Variants in VWA8 observed in about 807,000 individuals in gnomAD.
VWA8 encodes the protein von Willebrand factor A domain-containing protein 8.
VWA8 carries 221 observed loss-of-function variants against 241.5 expected under a neutral mutation model. That is an observed-to-expected ratio of 0.91 (90% confidence interval 0.82 to 1.02). VWA8 has a LOEUF of 1.02. Among genes scored for constraint, VWA8 ranks in the 50% least tolerant of loss-of-function variants. The pLI, the probability that VWA8 is intolerant of heterozygous loss-of-function variation, is 0.00. For synonymous variants in VWA8, 852 were observed against 827.1 expected, an observed-to-expected ratio of 1.03 and a Z score of -0.52; for missense variants, 2,322 against 2,328.7, an observed-to-expected ratio of 1.00 and a Z score of 0.06.
intron 25 of VWA8, among the ~76,000 whole-genome samples, chr13:41,720,451 A>C (rs1018643492): frequency 7.9e-5 from 12 of 152,168 alleles, no homozygotes; most frequent in African/African-American, 7.2e-5. Flanking sequence ...TATGGGGTAC[A>C]ATGTGATATT....
intron 17 of VWA8, among the ~76,000 whole-genome samples, chr13:41,796,116 ATGTT>A (rs1272420122): frequency 6.6e-6 from 1 of 152,112 alleles, no homozygotes; most frequent in African/African-American, 2.4e-5. Flanking sequence ...TTTACTCAGA[ATGTT>A]TGCATCCACT....
In VWA8 at chr13:41,570,481, C is replaced by T. The variant is rs376787899; in HGVS notation, c.5596G>A (p.Asp1866Asn). ...AFAIFIGSLG[D>N]QATRLQRTLP... ...GATGACACTTACCTGGTTGCTTGAT[C>T]ACCTAAAGAGCCAATAAAAATGGCA... The change falls in exon 44 of 45, where the codon GAT (aspartate) becomes AAT (asparagine). Residue 1866 changes from aspartate (D) to asparagine (N), a missense_variant. Coordinates refer to ENST00000379310, the MANE Select transcript of VWA8 (RefSeq NM_015058.2). 1.2e-6 allele frequency: 2 copies of T among 1,613,992 alleles called. No homozygotes were observed. Among genetic ancestry groups the T allele is most frequent in the South Asian group, 2.2e-5 (2 of 91,044 alleles).
intron 38 of VWA8, 96 bp from the exon 39 acceptor site, chr13:41,611,828 T>A: frequency 7.4e-7 from 1 of 1,349,042 alleles, no homozygotes; most frequent in Non-Finnish European, 1.0e-6. Context: ...TGGAGGATAT[T>A]AATTGTACTT....
chr13:41,744,989 C>T (rs1210756433), intron 21 of VWA8, among the ~76,000 whole-genome samples: 2 of 152,010 alleles, frequency 1.3e-5, no homozygotes, highest in Non-Finnish European at 2.9e-5. Flanking sequence ...AGGTACCCAC[C>T]ACCACGACCG....
chr13:41,731,881 G>A lies in VWA8; in HGVS notation c.2502+199C>T, dbSNP rs117114850. On this transcript the variant is annotated intron_variant, in intron 22 of 44. Coordinates refer to ENST00000379310, the MANE Select transcript of VWA8 (RefSeq NM_015058.2). ...ATGCCTCTCACCTTCCACCGTGATG[G>A]TGAGGCCTCCAGAGCCACGTAGAAC... is the stretch of plus-strand genomic sequence containing the variant. Among the ~76,000 whole-genome samples the A allele has an allele frequency of 4.0e-3, 605 of 152,240 alleles. 11 individuals are homozygous for A. In the East Asian group the frequency reaches 0.062, roughly 16 times the overall value.
intron 20 of VWA8, among the ~76,000 whole-genome samples, chr13:41,776,350 C>T (rs1868593313): frequency 6.6e-6 from 1 of 152,076 alleles, no homozygotes; most frequent in African/African-American, 2.4e-5. Flanking sequence ...CCTGAATGTC[C>T]ACAGAGCCAT....
intron 20 of VWA8, among the ~76,000 whole-genome samples, chr13:41,774,078 T>G (rs959602781): frequency 1.3e-5 from 2 of 152,166 alleles, no homozygotes; most frequent in African/African-American, 4.8e-5. Flanking sequence ...TAAGCCTAAA[T>G]TTTAAATTCA....
chr13:41,733,116 C>T (rs1242123186), intron 21 of VWA8, among the ~76,000 whole-genome samples: 3 of 152,112 alleles, frequency 2.0e-5, no homozygotes, highest in Non-Finnish European at 2.9e-5. Context: ...CACTACTGGA[C>T]AGTGATATTC....
intron 21 of VWA8, among the ~76,000 whole-genome samples, chr13:41,752,690 C>T (rs184484071): frequency 1.2e-3 from 176 of 152,226 alleles, no homozygotes; most frequent in Middle Eastern, 6.8e-3. Flanking sequence ...GTAGGGTATA[C>T]GGCAAGAAGC....
chr13:41,833,270 C>T (rs1871551983), intron 13 of VWA8, 101 bp downstream of exon 13: 10 of 1,354,874 alleles, frequency 7.4e-6, no homozygotes, highest in African/African-American at 1.5e-5. Context: ...ATCTACACAA[C>T]CCAGTTTAAA....
chr13:41,748,441 G>A (rs577752089), intron 21 of VWA8, among the ~76,000 whole-genome samples: 39 of 152,166 alleles, frequency 2.6e-4, no homozygotes, highest in African/African-American at 7.5e-4. Context: ...GATTGGTGGC[G>A]ATATCCCCTT....
At chr13:41,580,378 T>C (rs912351435) in intron 42 of VWA8, among the ~76,000 whole-genome samples, 3 of 152,202 alleles carry the variant, frequency 2.0e-5, no homozygotes, top group African/African-American at 7.2e-5. Flanking sequence ...GGATGACTGA[T>C]CTCCATTTCT....
At chr13:41,834,659 G>A (rs1392477790) in intron 12 of VWA8, among the ~76,000 whole-genome samples, 1 of 152,162 alleles carries the variant, frequency 6.6e-6, no homozygotes, top group Non-Finnish European at 1.5e-5. Flanking sequence ...CAACCATTGT[G>A]GAAGACAGTG....
At position 41,863,429 on chromosome 13, in the gene VWA8, GTGTGTA is replaced by G. The variant is rs1315418451; in HGVS notation, c.1425+2301_1425+2306del. Among the ~76,000 whole-genome samples, 247 of 72,664 alleles carry G rather than the reference GTGTGTA, an allele frequency of 3.4e-3. 3 individuals are homozygous for G. The highest frequency in any genetic ancestry group is 0.011 in the African/African-American group (222 of 20,518). 47.7% of individuals were successfully genotyped at this position (72,664 alleles called of 152,430 possible). A position where few individuals can be genotyped will look rare whatever the true frequency, so the allele number is the denominator to read the frequency against. On this transcript the variant is annotated intron_variant, in intron 12 of 44. Coordinates refer to ENST00000379310, the MANE Select transcript of VWA8 (RefSeq NM_015058.2). Reference sequence around the variant, plus strand: ...TGTGTGTGTGTGTGTGTGTGTGTGTGTGTGTATATATATATATATATATATTCACAC... The same window carrying G: ...TGTGTGTGTGTGTGTGTGTGTGTGTGTATATATATATATATATATTCACAC...
At chr13:41,666,444 C>A (rs2137794775) in intron 37 of VWA8, among the ~76,000 whole-genome samples, 1 of 152,226 alleles carries the variant, frequency 6.6e-6, no homozygotes, top group East Asian at 1.9e-4. Context: ...TAGGTAACTG[C>A]CATAATTCTC....
At position 41,881,378 on chromosome 13, in the gene VWA8, G is replaced by A. The variant is rs1162223191; in HGVS notation, c.1080+2009C>T. On this transcript the variant is annotated intron_variant, in intron 9 of 44. Coordinates refer to ENST00000379310, the MANE Select transcript of VWA8 (RefSeq NM_015058.2). ...CATCATAGTTTTTTTTTGCCGGGGG[G>A]GGGGGGGGGGGGGTAAGGTCACAGA... Among the ~76,000 whole-genome samples the A allele has an allele frequency of 6.6e-4, 23 of 34,980 alleles. 2 individuals are homozygous for A. In the East Asian group the frequency reaches 0.021, roughly 32 times the overall value. The allele number at this position is 34,980 out of a possible 152,430, so 22.9% of individuals were successfully genotyped here. A position where few individuals can be genotyped will look rare whatever the true frequency, so the allele number is the denominator to read the frequency against.
At chr13:41,933,926 G>C (rs1158711022) in intron 2 of VWA8, among the ~76,000 whole-genome samples, 1 of 151,794 alleles carries the variant, frequency 6.6e-6, no homozygotes, top group Admixed American at 6.6e-5. Flanking sequence ...GATTTCTTAG[G>C]TGACACCAAA....
At chr13:41,649,381 C>T (rs999085034) in intron 37 of VWA8, among the ~76,000 whole-genome samples, 2 of 151,966 alleles carry the variant, frequency 1.3e-5, no homozygotes, top group Admixed American at 6.6e-5. Context: ...GTAAAATGAA[C>T]ACTAGTAATT....
intron 17 of VWA8, chr13:41,807,726 G>A (rs560014395): frequency 7.9e-5 from 12 of 152,408 alleles, no homozygotes; most frequent in African/African-American, 2.9e-4. Flanking sequence ...AGGACACTGA[G>A]GCAAGAGAAT....
Sources: gnomAD v4.1 joint callset for allele counts (sites outside exome capture counted in the v4.1 genomes callset) on GRCh38, gnomAD v4.1.1 for gene constraint, MANE v1.5 for transcripts, NCBI Gene and HGNC (gene_info 2026-07-23, HGNC 2026-07-21) for gene names.